Variants in XKR9 observed in about 807,000 individuals in gnomAD.
The protein encoded by XKR9 is XK related 9.
XKR9 carries 32 observed loss-of-function variants against 32.0 expected under a neutral mutation model. That is an observed-to-expected ratio of 1.00 (90% confidence interval 0.76 to 1.34). The LOEUF (loss-of-function observed/expected upper bound fraction) is 1.34, where lower values mean the gene tolerates loss of function less well. Among genes scored for constraint, XKR9 ranks in the 40% most tolerant of loss-of-function variants. XKR9 has a pLI of 0.00. For missense variants in XKR9, 546 were observed against 429.7 expected (o/e 1.27, Z -2.39); for synonymous variants, 168 against 143.4 (o/e 1.17, Z -1.22).
chr8:70,783,995 G>A (rs1203774705), intron 2 of XKR9, among the ~76,000 whole-genome samples: 1 of 152,008 alleles, frequency 6.6e-6, no homozygotes, highest in Non-Finnish European at 1.5e-5. Flanking sequence ...CACCTTCGTG[G>A]GAGATCAATT....
At chr8:70,790,938 G>C (rs1409637960), downstream of XKR9, among the ~76,000 whole-genome samples, 2 of 151,958 alleles carry the variant, frequency 1.3e-5, no homozygotes, top group East Asian at 3.9e-4. Flanking sequence ...ATGGTGGAAG[G>C]GGCAAACAGC....
At chr8:70,954,827 A>G in the XKR9 span, among the ~76,000 whole-genome samples, 2 of 152,244 alleles carry the variant, frequency 1.3e-5, no homozygotes, top group Non-Finnish European at 2.9e-5. Context: ...CCAGTCGTTC[A>G]GGTAGTTTGC....
At chr8:70,673,770 A>G (rs1818795016) in intron 1 of XKR9, among the ~76,000 whole-genome samples, 1 of 151,992 alleles carries the variant, frequency 6.6e-6, no homozygotes, top group Non-Finnish European at 1.5e-5. Flanking sequence ...ATGTCAAAAA[A>G]AAAAAAGATA....
At chr8:70,697,366 C>A (rs1467815610) in intron 3 of XKR9, among the ~76,000 whole-genome samples, 31 of 151,436 alleles carry the variant, frequency 2.0e-4, no homozygotes, top group African/African-American at 7.5e-4. Flanking sequence ...CCATCAATAC[C>A]TAATTTATTG....
At chr8:71,060,051 G>A in the XKR9 span, among the ~76,000 whole-genome samples, 1 of 152,136 alleles carries the variant, frequency 6.6e-6, no homozygotes, top group East Asian at 1.9e-4. Context: ...GAGGGAAATT[G>A]TATCATCATT....
the XKR9 span, among the ~76,000 whole-genome samples, chr8:70,817,789 A>G: frequency 6.6e-6 from 1 of 152,314 alleles, no homozygotes; most frequent in African/African-American, 2.4e-5. Flanking sequence ...AACAGAAAAG[A>G]GAACCCAGAA....
chr8:70,841,415 A>T, the XKR9 span, among the ~76,000 whole-genome samples: 1 of 152,166 alleles, frequency 6.6e-6, no homozygotes, highest in Non-Finnish European at 1.5e-5. Flanking sequence ...TTAAAAATTA[A>T]TTTATTTCAC....
the XKR9 span, among the ~76,000 whole-genome samples, chr8:70,899,330 CCTTTA>C: frequency 2.0e-5 from 3 of 151,798 alleles, no homozygotes; most frequent in Non-Finnish European, 2.9e-5. Context: ...TTTTTCCTTT[CCTTTA>C]GTGACTTTAA....
chr8:70,801,265 T>C, the XKR9 span, among the ~76,000 whole-genome samples: 1 of 152,166 alleles, frequency 6.6e-6, no homozygotes, highest in South Asian at 2.1e-4. Flanking sequence ...GGTTGTTAAT[T>C]TGAAGTTTTC....
At chr8:70,756,210 C>G (rs1016145858) in intron 2 of XKR9, among the ~76,000 whole-genome samples, 1 of 152,304 alleles carries the variant, frequency 6.6e-6, no homozygotes, top group East Asian at 1.9e-4. Flanking sequence ...CCTCTCAATT[C>G]TGTTCGACTA....
the XKR9 span, among the ~76,000 whole-genome samples, chr8:70,819,938 T>A: frequency 6.6e-6 from 1 of 152,176 alleles, no homozygotes; most frequent in Admixed American, 6.5e-5. Context: ...CTGGCTCATA[T>A]AAAACATTTT....
At chr8:70,673,362 A>AT (rs1474945059) in intron 1 of XKR9, among the ~76,000 whole-genome samples, 1 of 152,206 alleles carries the variant, frequency 6.6e-6, no homozygotes, top group African/African-American at 2.4e-5. Context: ...AGGCCAAATG[A>AT]TTTAAAAGTA....
chr8:70,901,380 G>A, the XKR9 span, among the ~76,000 whole-genome samples: 1 of 152,142 alleles, frequency 6.6e-6, no homozygotes, highest in East Asian at 1.9e-4. Context: ...ATCTCATTGT[G>A]GTTTTGATTT....
At chr8:70,846,647 C>G in the XKR9 span, among the ~76,000 whole-genome samples, 1 of 151,890 alleles carries the variant, frequency 6.6e-6, no homozygotes, top group South Asian at 2.1e-4. Context: ...CTCACTTCAC[C>G]TATAAAGACA....
chr8:71,014,102 C>G, the XKR9 span, among the ~76,000 whole-genome samples: 8 of 152,132 alleles, frequency 5.3e-5, no homozygotes, highest in African/African-American at 1.9e-4. Context: ...AGTCCATTAG[C>G]AGCACAATCT....
At chr8:70,935,704 A>G in the XKR9 span, among the ~76,000 whole-genome samples, 563 of 152,198 alleles carry the variant, frequency 3.7e-3, 3 homozygotes, top group African/African-American at 0.013. Flanking sequence ...TAAGAAAGTT[A>G]GCTGTTAACT....
At position 70,745,017 on chromosome 8, in the gene XKR9, AT is replaced by A. The variant is rs921351953; in HGVS notation, n.352+37866del. Among the ~76,000 whole-genome samples the A allele has an allele frequency of 2.0e-5, 3 of 150,218 alleles. 1 individual carries two copies. The highest frequency in any genetic ancestry group is 3.0e-5 in the Non-Finnish European group (2 of 67,174). ...TGTCACTGTTAGCTTGAATAATCCA[AT>A]TAACAATATATGTAATGGGAAAAAG... On this transcript the variant is annotated intron_variant and non_coding_transcript_variant, in intron 2 of 3. Coordinates refer to the XKR9 transcript ENST00000520273.
chr8:70,800,071 G>A, the XKR9 span, among the ~76,000 whole-genome samples: 1 of 152,122 alleles, frequency 6.6e-6, no homozygotes, highest in Non-Finnish European at 1.5e-5. Flanking sequence ...CTAACATGAA[G>A]GAATGTTTAA....
chr8:70,709,551 C>T (rs2132184200), intron 4 of XKR9, among the ~76,000 whole-genome samples: 1 of 152,222 alleles, frequency 6.6e-6, no homozygotes, highest in Admixed American at 6.5e-5. Flanking sequence ...ACCTAGAACA[C>T]CCCCATGGTC....
Sources: allele counts gnomAD v4.1 joint callset (sites outside exome capture counted in the v4.1 genomes callset), GRCh38; gene constraint gnomAD v4.1.1; transcripts MANE v1.5; gene names NCBI Gene and HGNC (gene_info 2026-07-23, HGNC 2026-07-21).